The following SUPT3H variants were observed in gnomAD, a reference collection of about 807,000 sequenced individuals.
SUPT3H encodes SPT3 homolog, SAGA and STAGA complex component, also known as transcription initiation protein SPT3 homolog.
A neutral mutation model predicts 44.3 loss-of-function variants in SUPT3H; 44 were observed. The observed-to-expected ratio is 0.99, with a 90% confidence interval of 0.78 to 1.28. The LOEUF is 1.28. Ranked by LOEUF, SUPT3H falls within the 50% of genes most tolerant of loss-of-function variation. SUPT3H has a pLI of 0.00. For synonymous variants in SUPT3H, 124 were observed against 125.6 expected (o/e 0.99, Z 0.09); for missense variants, 380 against 387.1 (o/e 0.98, Z 0.15).
intron 3 of SUPT3H, among the ~76,000 whole-genome samples, chr6:45,068,771 G>T (rs1793873487): frequency 6.6e-6 from 1 of 151,834 alleles, no homozygotes; most frequent in African/African-American, 2.4e-5. Flanking sequence ...CACTCATTTT[G>T]CCTCTTCAGT....
chr6:45,181,788 G>A (rs1361702235), intron 2 of SUPT3H, among the ~76,000 whole-genome samples: 7 of 151,674 alleles, frequency 4.6e-5, no homozygotes, highest in Non-Finnish European at 8.8e-5. Context: ...AGTGGGTGCA[G>A]CGCACCAGCA....
At chr6:45,144,672 A>G (rs998186387) in intron 2 of SUPT3H, among the ~76,000 whole-genome samples, 4 of 152,094 alleles carry the variant, frequency 2.6e-5, no homozygotes, top group African/African-American at 9.7e-5. Flanking sequence ...GACAAAAACG[A>G]AAGAAATAAG....
At chr6:45,007,691 C>T (rs1414735272) in intron 5 of SUPT3H, among the ~76,000 whole-genome samples, 1 of 150,954 alleles carries the variant, frequency 6.6e-6, no homozygotes, top group African/African-American at 2.4e-5. Context: ...TCTTAGCTTC[C>T]TCTATGTTGG....
At chr6:44,844,967 T>C (rs911595822) in intron 10 of SUPT3H, among the ~76,000 whole-genome samples, 1 of 152,214 alleles carries the variant, frequency 6.6e-6, no homozygotes, top group African/African-American at 2.4e-5. Flanking sequence ...TGGTCAGGAT[T>C]TGTACATCAC....
intron 6 of SUPT3H, among the ~76,000 whole-genome samples, chr6:44,979,329 T>C (rs949112095): frequency 2.0e-5 from 3 of 152,232 alleles, no homozygotes; most frequent in African/African-American, 7.2e-5. Flanking sequence ...TACTGAATGA[T>C]TTCTTCAACC....
intron 2 of SUPT3H, among the ~76,000 whole-genome samples, chr6:45,331,890 A>C (rs182449976): frequency 6.6e-6 from 1 of 152,128 alleles, no homozygotes; most frequent in East Asian, 1.9e-4. Flanking sequence ...AGTCATGCTA[A>C]AGTTAAATTC....
intron 10 of SUPT3H, among the ~76,000 whole-genome samples, chr6:44,854,989 GT>G (rs1773494592): frequency 6.6e-6 from 1 of 152,070 alleles, no homozygotes. Context: ...TGTCCTTGAT[GT>G]TTTCACCTTA....
chr6:45,035,701 G>C (rs62436438), intron 3 of SUPT3H, among the ~76,000 whole-genome samples: 3 of 152,136 alleles, frequency 2.0e-5, no homozygotes, highest in African/African-American at 7.2e-5. Flanking sequence ...GTGACACTGT[G>C]ACCTGATAAA....
At chr6:45,161,100 C>T (rs1484101786) in intron 2 of SUPT3H, among the ~76,000 whole-genome samples, 1 of 152,110 alleles carries the variant, frequency 6.6e-6, no homozygotes, top group Non-Finnish European at 1.5e-5. Flanking sequence ...CCCCCTTTAC[C>T]TTCTGCCATG....
intron 10 of SUPT3H, among the ~76,000 whole-genome samples, chr6:44,849,383 C>A (rs976259991): frequency 2.6e-5 from 4 of 151,084 alleles, no homozygotes; most frequent in African/African-American, 4.9e-5. Context: ...CCCGCCACTA[C>A]GCCCGGCTAA....
rs560599143 is a variant in SUPT3H at position 44,864,191 on chromosome 6, C to T, written c.913-34334G>A. Among the ~76,000 whole-genome samples, 23 of 152,256 alleles carry T rather than the reference C, an allele frequency of 1.5e-4. No homozygotes were observed. In the East Asian group the frequency reaches 3.3e-3, roughly 22 times the overall value. ...TATCTGAGACAAGGCAAGTCTCTTCCGCCTATGAGCCTGTAAAATCAAAAG... is the reference window on the plus strand; with the variant it reads ...TATCTGAGACAAGGCAAGTCTCTTCTGCCTATGAGCCTGTAAAATCAAAAG... On this transcript the variant is annotated intron_variant, in intron 10 of 10. Coordinates refer to ENST00000371459, the MANE Select transcript of SUPT3H (RefSeq NM_003599.4).
At chr6:45,080,576 G>A (rs1354426861) in intron 3 of SUPT3H, among the ~76,000 whole-genome samples, 2 of 151,694 alleles carry the variant, frequency 1.3e-5, no homozygotes, top group African/African-American at 4.8e-5. Flanking sequence ...TGGCATATAC[G>A]CAATGAAGTA....
chr6:44,861,062 C>A (rs989264360), intron 10 of SUPT3H, among the ~76,000 whole-genome samples: 1 of 151,882 alleles, frequency 6.6e-6, no homozygotes, highest in Admixed American at 6.6e-5. Context: ...TTTTCTCAGT[C>A]ATAGCTTTCT....
In SUPT3H at chr6:45,066,305, C is replaced by T. The variant is rs1242323189; in HGVS notation, c.186+39617G>A. On this transcript the variant is annotated intron_variant, in intron 3 of 10. Transcript: ENST00000371459. Reference sequence around the variant, plus strand: ...CTCAATAAATTAGGTATTGATGGGACGTATTTCAAAATAATAAGAGCTATC... The same window carrying T: ...CTCAATAAATTAGGTATTGATGGGATGTATTTCAAAATAATAAGAGCTATC... Among the ~76,000 whole-genome samples, 30 of 151,160 alleles carry T rather than the reference C, an allele frequency of 2.0e-4. No individual in the cohort carries two copies. In the East Asian group the frequency reaches 4.9e-3, roughly 25 times the overall value.
intron 2 of SUPT3H, among the ~76,000 whole-genome samples, chr6:45,277,753 C>T (rs147391230): frequency 1.3e-5 from 2 of 152,282 alleles, no homozygotes; most frequent in African/African-American, 4.8e-5. Flanking sequence ...AAATGTGGCA[C>T]ATAAGGAAAA....
At chr6:44,935,095 C>A (rs551111156) in intron 9 of SUPT3H, among the ~76,000 whole-genome samples, 1 of 152,066 alleles carries the variant, frequency 6.6e-6, no homozygotes, top group Non-Finnish European at 1.5e-5. Flanking sequence ...AGCTACTAGG[C>A]GCACTTTTAT....
chr6:45,175,491 A>C (rs1179346625), intron 2 of SUPT3H, among the ~76,000 whole-genome samples: 1 of 152,152 alleles, frequency 6.6e-6, no homozygotes, highest in African/African-American at 2.4e-5. Context: ...CTCCCTTCAC[A>C]CGTGGGGATT....
intron 8 of SUPT3H, 49 bp from the exon 9 acceptor site, chr6:44,953,466 T>C: frequency 6.6e-7 from 1 of 1,504,946 alleles, no homozygotes; most frequent in Middle Eastern, 1.7e-4. Context: ...TAATCATGAA[T>C]GCCACTGAAG....
At chr6:44,947,499 A>C (rs962125792) in intron 9 of SUPT3H, among the ~76,000 whole-genome samples, 1 of 152,198 alleles carries the variant, frequency 6.6e-6, no homozygotes, top group Non-Finnish European at 1.5e-5. Context: ...ACATATCCCA[A>C]ACTGATGTAA....
Sources: allele counts gnomAD v4.1 joint callset (sites outside exome capture counted in the v4.1 genomes callset), GRCh38; gene constraint gnomAD v4.1.1; transcripts MANE v1.5; gene names NCBI Gene and HGNC (gene_info 2026-07-23, HGNC 2026-07-21).